Variants in P4HA3 observed in about 807,000 individuals in gnomAD.
P4HA3 encodes the protein prolyl 4-hydroxylase subunit alpha 3.
P4HA3 carries 60 observed loss-of-function variants against 66.7 expected under a neutral mutation model. The observed-to-expected ratio is 0.90, with a 90% CI of 0.73 to 1.12. The LOEUF is 1.12. Ranked by LOEUF, P4HA3 falls within the 50% of genes most tolerant of loss-of-function variation. P4HA3 has a pLI of 0.00. For synonymous variants in P4HA3, 263 were observed against 274.6 expected (o/e 0.96, Z 0.42); for missense variants, 683 against 685.8 (o/e 1.00, Z 0.05).
intron 8 of P4HA3, among the ~76,000 whole-genome samples, chr11:74,278,850 G>A (rs1351147214): frequency 2.6e-5 from 4 of 151,570 alleles, no homozygotes; most frequent in South Asian, 4.2e-4. Context: ...GGATGCTGAC[G>A]TCACTGTCTC....
intron 15 of P4HA3, among the ~76,000 whole-genome samples, chr11:74,258,688 G>A (rs1859863885): frequency 6.6e-6 from 1 of 152,158 alleles, no homozygotes; most frequent in African/African-American, 2.4e-5. Context: ...CAGGGGCATG[G>A]AGGACTAGGA....
chr11:74,290,705 A>G (rs981429720), intron 4 of P4HA3, among the ~76,000 whole-genome samples: 6 of 152,064 alleles, frequency 3.9e-5, no homozygotes, highest in African/African-American at 1.2e-4. Context: ...ATAGGGAATC[A>G]TTTCCCCATT....
Position 74,285,956 on chromosome 11 carries a change from G to A in P4HA3, c.963C>T (p.Tyr321=), listed in dbSNP as rs747330196. The change falls in exon 7 of 13, where the codon TAC becomes TAT. Residue 321 remains tyrosine (Y), a synonymous_variant. Coordinates refer to ENST00000331597, the MANE Select transcript of P4HA3 (RefSeq NM_182904.5). ...QPTLYQIPSL[Y]CSYETNSNAY... ...CGTTGGAATTGGTCTCATAGGAACA[G>A]TAGAGGCTAGGGATCTGGTAGAGAG... The A allele has an allele frequency of 3.7e-6, 6 of 1,610,186 alleles. No individual in the cohort carries two copies. The highest frequency in any genetic ancestry group is 5.1e-6 in the Non-Finnish European group (6 of 1,176,572).
chr11:74,291,053 G>A (rs1471358705), intron 4 of P4HA3, among the ~76,000 whole-genome samples: 11 of 152,238 alleles, frequency 7.2e-5, no homozygotes, highest in South Asian at 2.1e-4. Flanking sequence ...CCATTTTCAC[G>A]ATATTGATTC....
chr11:74,289,125 T>C lies in P4HA3; in HGVS notation c.723A>G (p.Gly241=), dbSNP rs2134775594. The change falls in exon 5 of 13, where the codon GGA becomes GGG. Residue 241 remains glycine (G), a synonymous_variant. Transcript: ENST00000331597. ...DHLAFAYFRA[G]NVSCALSLSR... ...AGAGGCTGAGGGCACACGAAACATT[T>C]CCTGCCTGTTAAAAAAAAAAAAAAG... is the stretch of plus-strand genomic sequence containing the variant. 3 of 1,579,342 alleles carry C rather than the reference T, an allele frequency of 1.9e-6. No homozygotes were observed. Among genetic ancestry groups the C allele is most frequent in the Middle Eastern group, 1.7e-4 (1 of 5,910 alleles).
At chr11:74,276,167 G>C (rs961364961) in intron 9 of P4HA3, among the ~76,000 whole-genome samples, 4 of 152,204 alleles carry the variant, frequency 2.6e-5, no homozygotes, top group African/African-American at 9.6e-5. Context: ...GAGGGTGAAA[G>C]GGGAGTGAGA....
At position 74,311,457 on chromosome 11, in the gene P4HA3, C is replaced by T. The variant is rs953134037; in HGVS notation, c.155G>A (p.Arg52Lys). The stretch of plus-strand genomic sequence containing the variant: ...CGCCTCCTCCCCGCGCAGGTACCGC[C>T]TCAGCAGCCCCAGCAGCCGGCGCTC... ...APERRLLGLL[R>K]RYLRGEEARL... Residue 52 changes from arginine to lysine, a missense_variant, in exon 1 of 13, where the codon AGG becomes AAG. Transcript: ENST00000331597. 4.5e-6 allele frequency: 7 copies of T among 1,540,608 alleles called. No individual in the cohort carries two copies. The Admixed American group carries it at 7.7e-5, about 17-fold the overall frequency.
At chr11:74,284,490 G>T (rs894421535) in intron 7 of P4HA3, among the ~76,000 whole-genome samples, 31 of 152,140 alleles carry the variant, frequency 2.0e-4, no homozygotes, top group African/African-American at 7.5e-4. Flanking sequence ...AAGACAGTGG[G>T]ATGGCTTCAA....
At chr11:74,282,920 A>G (rs529520212) in intron 7 of P4HA3, among the ~76,000 whole-genome samples, 7 of 152,232 alleles carry the variant, frequency 4.6e-5, no homozygotes, top group Non-Finnish European at 1.0e-4. Flanking sequence ...GGAGGCCAGA[A>G]TGATCAGGGC....
intron 8 of P4HA3, among the ~76,000 whole-genome samples, chr11:74,278,561 G>A (rs1290302737): frequency 4.6e-5 from 7 of 152,124 alleles, no homozygotes; most frequent in African/African-American, 1.4e-4. Context: ...TTTCTTGTTC[G>A]GAAAAGGGAA....
intron 14 of P4HA3, among the ~76,000 whole-genome samples, chr11:74,261,372 T>C (rs1859904415): frequency 6.6e-6 from 1 of 152,122 alleles, no homozygotes; most frequent in Non-Finnish European, 1.5e-5. Context: ...GGTAGGTATA[T>C]GTAAAATAGG....
chr11:74,279,343 C>A lies in P4HA3; in HGVS notation c.1175+45G>T, dbSNP rs763826267. ...TGACTGGCAGTCAGCTATGCTACGG[C>A]CCGAGGGTGGGCAGCAGGTATGACC... On this transcript the variant is annotated intron_variant, in intron 8 of 12. Coordinates refer to ENST00000331597, the MANE Select transcript of P4HA3 (RefSeq NM_182904.5). The A allele has an allele frequency of 7.0e-6, 11 of 1,580,892 alleles. No individual in the cohort carries two copies. In the African/African-American group the frequency reaches 1.2e-4, roughly 17 times the overall value.
At position 74,289,126 on chromosome 11, in the gene P4HA3, C is replaced by A; in HGVS notation, c.722G>T (p.Gly241Val). 6.3e-7 allele frequency: 1 copy of A among 1,577,326 alleles called. No individual in the cohort carries two copies. The highest frequency in any genetic ancestry group is 8.6e-7 in the Non-Finnish European group (1 of 1,164,016). Residue 241 changes from glycine to valine, a missense_variant, in exon 5 of 13, where the codon GGA becomes GTA. Transcript: ENST00000331597. ...GAGGCTGAGGGCACACGAAACATTT[C>A]CTGCCTGTTAAAAAAAAAAAAAAGA... ...DHLAFAYFRA[G>V]NVSCALSLSR...
chr11:74,261,380 A>G (rs1194670886), intron 14 of P4HA3, among the ~76,000 whole-genome samples: 1 of 152,188 alleles, frequency 6.6e-6, no homozygotes, highest in Admixed American at 6.5e-5. Flanking sequence ...TATGTAAAAT[A>G]GGTGAAAGGT....
intron 15 of P4HA3, among the ~76,000 whole-genome samples, chr11:74,255,037 C>T (rs957244327): frequency 1.3e-5 from 2 of 152,200 alleles, no homozygotes; most frequent in Non-Finnish European, 2.9e-5. Context: ...AAATCATTTC[C>T]TGAGCTCTGA....
chr11:74,264,013 G>A (rs893635916), downstream of P4HA3, among the ~76,000 whole-genome samples: 2 of 152,126 alleles, frequency 1.3e-5, no homozygotes, highest in African/African-American at 4.8e-5. Context: ...TACTAAGTGG[G>A]GCCCAAGGCC....
chr11:74,302,341 C>G, intron 3 of P4HA3, 28 bp downstream of exon 3: 1 of 1,568,670 alleles, frequency 6.4e-7, no homozygotes, highest in Admixed American at 1.8e-5. Flanking sequence ...CAGAGCCAAG[C>G]AATTGGCCCT....
In P4HA3 at chr11:74,284,378, G is replaced by A. The variant is rs138681411; in HGVS notation, c.1110+1431C>T. 2.5e-3 allele frequency among the ~76,000 whole-genome samples: 387 copies of A among 152,274 alleles called. 3 individuals carry two copies. The highest frequency in any genetic ancestry group is 8.7e-3 in the African/African-American group (361 of 41,570). ...TAACATCTGGCACTTCCATGCAGAA[G>A]CTTTATGAACCAGCTCATGTTTGCC... is the stretch of plus-strand genomic sequence containing the variant. On this transcript the variant is annotated intron_variant, in intron 7 of 12. Transcript: ENST00000331597.
At position 74,269,655 on chromosome 11, in the gene P4HA3, A is replaced by G; in HGVS notation, c.1464T>C (p.Val488=). The change falls in exon 11 of 13, where the codon GTT becomes GTC. Residue 488 remains valine, a synonymous_variant. Coordinates refer to ENST00000331597, the MANE Select transcript of P4HA3 (RefSeq NM_182904.5). ...FIYANLSVPV[V]RNAALFWWNL... The stretch of plus-strand genomic sequence containing the variant: ...CTGGGACCAGGGCCCCACTCACCCT[A>G]ACCACAGGCACGCTGAGGTTGGCAT... 6.2e-7 allele frequency: 1 copy of G among 1,613,560 alleles called. No homozygotes were observed. Among genetic ancestry groups the G allele is most frequent in the South Asian group, 1.1e-5 (1 of 90,974 alleles).
Sources: allele counts gnomAD v4.1 joint callset (sites outside exome capture counted in the v4.1 genomes callset), GRCh38; gene constraint gnomAD v4.1.1; transcripts MANE v1.5; gene names NCBI Gene and HGNC (gene_info 2026-07-23, HGNC 2026-07-21).